The following IL17RD variants were observed in gnomAD, a reference collection of about 807,000 sequenced individuals.
The protein encoded by IL17RD is interleukin-17 receptor D.
In IL17RD, 52 loss-of-function variants were observed where a neutral mutation model predicts 80.5. That is an observed-to-expected ratio of 0.65 (90% CI 0.52 to 0.81). The LOEUF (loss-of-function observed/expected upper bound fraction) is 0.81. Ranked by LOEUF, IL17RD falls within the 40% of genes least tolerant of loss-of-function variation. The pLI is 0.00. For missense variants in IL17RD, 1,024 were observed against 955.1 expected (o/e 1.07, Z -0.95); for synonymous variants, 416 against 391.8 (o/e 1.06, Z -0.73).
upstream of IL17RD, among the ~76,000 whole-genome samples, chr3:57,169,802 T>G (rs1164895309): frequency 6.6e-6 from 1 of 150,986 alleles, no homozygotes; most frequent in African/African-American, 2.5e-5. Context: ...GAGCAGTATG[T>G]GGAGAACTGG....
At chr3:57,116,382 G>A (rs900048816) in intron 2 of IL17RD, among the ~76,000 whole-genome samples, 5 of 148,096 alleles carry the variant, frequency 3.4e-5, no homozygotes, top group Non-Finnish European at 7.4e-5. Flanking sequence ...CTCCTGAGTT[G>A]AAGCGATTCT....
intron 11 of IL17RD, among the ~76,000 whole-genome samples, chr3:57,099,964 A>C (rs1706788071): frequency 6.6e-6 from 1 of 152,258 alleles, no homozygotes; most frequent in Non-Finnish European, 1.5e-5. Flanking sequence ...ATATGGAAAA[A>C]GACTGGAAGG....
At chr3:57,135,533 T>C (rs1180952141) in intron 1 of IL17RD, among the ~76,000 whole-genome samples, 2 of 152,222 alleles carry the variant, frequency 1.3e-5, no homozygotes, top group African/African-American at 2.4e-5. Flanking sequence ...ACTTCTCCCA[T>C]TCCATCATTT....
chr3:57,102,411 C>T, intron 10 of IL17RD, 68 bp downstream of exon 10: 1 of 801,104 alleles, frequency 1.2e-6, no homozygotes. Flanking sequence ...CTCCCAGTCT[C>T]TCTTTCTCTT....
At chr3:57,102,978 A>AAG in intron 9 of IL17RD, 113 bp downstream of exon 9, 1 of 697,898 alleles carries the variant, frequency 1.4e-6, no homozygotes, top group Non-Finnish European at 2.5e-6. Flanking sequence ...AACATCATTT[A>AAG]AGAGAGAGGA....
intron 1 of IL17RD, among the ~76,000 whole-genome samples, chr3:57,132,817 T>C (rs1299204142): frequency 3.3e-5 from 5 of 151,578 alleles, no homozygotes; most frequent in Non-Finnish European, 7.4e-5. Flanking sequence ...ATTCTTATTC[T>C]TTTTTTTTCA....
chr3:57,164,911 G>T, intron 1 of IL17RD: 10 of 1,244,064 alleles, frequency 8.0e-6, no homozygotes, highest in Non-Finnish European at 1.0e-5. Flanking sequence ...ATGGGACCCC[G>T]GCCGGCGGCC....
intron 12 of IL17RD, among the ~76,000 whole-genome samples, chr3:57,097,111 T>C (rs1007060805): frequency 5.3e-5 from 8 of 151,610 alleles, no homozygotes; most frequent in South Asian, 4.2e-4. Flanking sequence ...CCTGCAGAAG[T>C]AGGCCTTCCT....
At position 57,095,756 on chromosome 3, in the gene IL17RD, C is replaced by T. The variant is rs768680696; in HGVS notation, c.*637G>A. 5.2e-5 allele frequency: 8 copies of T among 152,638 alleles called. No homozygotes were observed. The South Asian group carries it at 1.0e-3, about 20-fold the overall frequency. 9.5% of individuals were successfully genotyped at this position (152,638 alleles called of 1,614,324 possible). On this transcript the variant is annotated 3_prime_UTR_variant, in exon 13 of 13. Coordinates refer to ENST00000296318, the MANE Select transcript of IL17RD (RefSeq NM_017563.5). ...ACGGTCAAGACGGTCAGCCTGGCCCCGTGAGCTTCACCTCAATCAGTCATG... is the reference window on the plus strand; with the variant it reads ...ACGGTCAAGACGGTCAGCCTGGCCCTGTGAGCTTCACCTCAATCAGTCATG...
chr3:57,115,114 T>A (rs1707187970), intron 2 of IL17RD, among the ~76,000 whole-genome samples: 1 of 152,238 alleles, frequency 6.6e-6, no homozygotes, highest in Non-Finnish European at 1.5e-5. Flanking sequence ...TACCTGGCAT[T>A]AACTTTTTTT....
chr3:57,108,534 T>TTTTTTTTTTTG (rs1707017703), intron 5 of IL17RD, among the ~76,000 whole-genome samples: 1 of 142,280 alleles, frequency 7.0e-6, no homozygotes, highest in Non-Finnish European at 1.5e-5. Context: ...TTTTTTTTTT[T>TTTTTTTTTTTG]AGATGGAGGT....
intron 1 of IL17RD, among the ~76,000 whole-genome samples, chr3:57,131,791 CA>C (rs1444900421): frequency 6.6e-6 from 1 of 152,224 alleles, no homozygotes; most frequent in African/African-American, 2.4e-5. Context: ...CTGAAGCCCC[CA>C]GACCTCTCAC....
chr3:57,115,227 T>G (rs1707190397), intron 2 of IL17RD, among the ~76,000 whole-genome samples: 1 of 152,148 alleles, frequency 6.6e-6, no homozygotes, highest in Non-Finnish European at 1.5e-5. Context: ...TTGTTTGTTT[T>G]TAGAAAAAAC....
In IL17RD at chr3:57,138,664, G is replaced by A. The variant is rs146991344; in HGVS notation, c.127-18351C>T. On this transcript the variant is annotated intron_variant, in intron 1 of 12. Coordinates refer to ENST00000296318, the MANE Select transcript of IL17RD (RefSeq NM_017563.5). ...AACGAGAATACTGGGGGCCAGGTGC[G>A]GTGGCTCACACCTGTAATCCCAGCA... 2.6e-3 allele frequency among the ~76,000 whole-genome samples: 390 copies of A among 152,052 alleles called. 1 individual carries two copies. The highest frequency in any genetic ancestry group is 9.0e-3 in the African/African-American group (372 of 41,478).
At chr3:57,102,353 A>C in intron 10 of IL17RD, 126 bp downstream of exon 10, 1 of 441,330 alleles carries the variant, frequency 2.3e-6, no homozygotes, top group Admixed American at 3.9e-5. Context: ...GGAACTGAAT[A>C]GTAGGAGCTA....
upstream of IL17RD, chr3:57,169,112 CCAGGCCCCA>C (rs2060359498): frequency 2.4e-6 from 1 of 413,458 alleles, no homozygotes; most frequent in South Asian, 1.8e-5. Context: ...AATGAGGGGA[CCAGGCCCCA>C]CATGCCTTTC....
At position 57,098,140 on chromosome 3, in the gene IL17RD, C is replaced by T. The variant is rs761626706; in HGVS notation, c.1563G>A (p.Pro521=). Residue 521 remains proline, a synonymous_variant, in exon 12 of 13, where the codon CCG becomes CCA. Coordinates refer to ENST00000296318, the MANE Select transcript of IL17RD (RefSeq NM_017563.5). ...TGCTGCCCTGTCGCGTGTGCTGCCCCGGCTCCTGGAGGCCGTGGTCTCGGG... is the reference window on the plus strand; with the variant it reads ...TGCTGCCCTGTCGCGTGTGCTGCCCTGGCTCCTGGAGGCCGTGGTCTCGGG... ...LHSRDHGLQE[P]GQHTRQGSRR... is the part of the protein sequence containing the mutation. 6.2e-6 allele frequency: 10 copies of T among 1,613,826 alleles called. No individual in the cohort carries two copies. The African/African-American group carries it at 9.3e-5, about 15-fold the overall frequency.
intron 10 of IL17RD, 50 bp downstream of exon 10, chr3:57,102,429 C>A (rs1706853719): frequency 1.9e-6 from 2 of 1,046,496 alleles, no homozygotes; most frequent in Non-Finnish European, 1.4e-6. Flanking sequence ...CTTGGCAGCA[C>A]CCCCTGGCCT....
intron 1 of IL17RD, among the ~76,000 whole-genome samples, chr3:57,126,936 C>T (rs755339234): frequency 1.3e-5 from 2 of 151,406 alleles, no homozygotes; most frequent in Non-Finnish European, 2.9e-5. Context: ...GTGATCCTAC[C>T]CTCTCAGCCT....
Sources: gnomAD v4.1 joint callset for allele counts (sites outside exome capture counted in the v4.1 genomes callset) on GRCh38, gnomAD v4.1.1 for gene constraint, MANE v1.5 for transcripts, NCBI Gene and HGNC (gene_info 2026-07-23, HGNC 2026-07-21) for gene names.